Variants in GALK2 observed in about 807,000 individuals in gnomAD.
GALK2 encodes galactokinase 2.
GALK2 carries 36 observed loss-of-function variants against 52.4 expected under a neutral mutation model. The observed-to-expected ratio is 0.69, with a 90% CI of 0.53 to 0.91. The LOEUF (loss-of-function observed/expected upper bound fraction) is 0.91. GALK2 is among the 40% of genes least tolerant of loss of function. The pLI, the probability that GALK2 is intolerant of heterozygous loss-of-function variation, is 0.00. For synonymous variants in GALK2, 176 were observed against 199.1 expected (o/e 0.88, Z 0.98); for missense variants, 579 against 559.1 (o/e 1.04, Z -0.36).
chr15:49,296,206 C>T (rs758338802), intron 8 of GALK2, among the ~76,000 whole-genome samples: 1 of 152,044 alleles, frequency 6.6e-6, no homozygotes, highest in Non-Finnish European at 1.5e-5. Context: ...GTTTGGTGTA[C>T]ACATGATTTT....
At chr15:49,240,437 A>T (rs2091040150) in intron 5 of GALK2, among the ~76,000 whole-genome samples, 1 of 152,218 alleles carries the variant, frequency 6.6e-6, no homozygotes, top group South Asian at 2.1e-4. Context: ...GTATAGTCTC[A>T]ACTTTCACTA....
intron 3 of GALK2, among the ~76,000 whole-genome samples, chr15:49,354,709 C>T (rs1001374903): frequency 3.3e-5 from 5 of 152,204 alleles, no homozygotes; most frequent in Non-Finnish European, 7.3e-5. Flanking sequence ...ACAAAACAGT[C>T]GGGAAGCTCG....
rs767767481 is a variant in GALK2 at position 49,319,666 on chromosome 15, C to T, written c.1030C>T (p.Gln344Ter). 1 of 1,614,128 alleles carries T rather than the reference C, an allele frequency of 6.2e-7. No individual in the cohort carries two copies. Among genetic ancestry groups the T allele is most frequent in the Admixed American group, 1.7e-5 (1 of 60,016 alleles). ...GTACAGCGAGGCTGCGCGAGTGCTC[C>T]AGTTTAAGAAGATATGTGAAGAAGC... Reference protein sequence around the residue: ...HVYSEAARVLQFKKICEEAPE... With the variant: ...HVYSEAARVL The change falls in exon 9 of 10, where the codon CAG becomes TAG. Residue 344 changes from glutamine to a stop codon, truncating the protein, a stop_gained. Coordinates refer to ENST00000560031, the MANE Select transcript of GALK2 (RefSeq NM_002044.4). LOFTEE classifies it high-confidence loss of function.
chr15:49,245,095 T>C (rs952629313), intron 5 of GALK2, among the ~76,000 whole-genome samples: 1 of 151,970 alleles, frequency 6.6e-6, no homozygotes, highest in Non-Finnish European at 1.5e-5. Context: ...ACAACAAATA[T>C]GAATTTAAGC....
chr15:49,249,945 C>T (rs2091516423), intron 5 of GALK2, among the ~76,000 whole-genome samples: 1 of 152,134 alleles, frequency 6.6e-6, no homozygotes, highest in African/African-American at 2.4e-5. Flanking sequence ...GCCCGTGCCT[C>T]TTTTAAAAAG....
Position 49,281,993 on chromosome 15 carries a change from C to G in GALK2, c.511C>G (p.Leu171Val), listed in dbSNP as rs565828321. The change falls in exon 6 of 10, where the codon CTT becomes GTT. Residue 171 changes from leucine to valine, a missense_variant. Coordinates refer to ENST00000560031, the MANE Select transcript of GALK2 (RefSeq NM_002044.4). ...VLGRNLSKVELAEICAKSERY... is the reference protein window; with the variant it reads ...VLGRNLSKVEVAEICAKSERY... ...TCAGTTTTTACCTTTCCAGGTGGAA[C>G]TTGCAGAAATCTGTGCCAAGAGTGA... The G allele has an allele frequency of 6.2e-7, 1 of 1,612,444 alleles. No homozygotes were observed. The highest frequency in any genetic ancestry group is 8.5e-7 in the Non-Finnish European group (1 of 1,178,828).
intron 3 of GALK2, among the ~76,000 whole-genome samples, chr15:49,349,807 A>C (rs185081617): frequency 8.0e-4 from 122 of 152,296 alleles, no homozygotes; most frequent in Middle Eastern, 3.4e-3. Context: ...GTATGGACCA[A>C]AACTCTGCAT....
At chr15:49,258,034 C>T (rs2091889537) in intron 5 of GALK2, among the ~76,000 whole-genome samples, 1 of 151,418 alleles carries the variant, frequency 6.6e-6, no homozygotes. Flanking sequence ...ATTGGACTCA[C>T]AGTCACCTTA....
At chr15:49,206,431 A>G (rs1023175256) in intron 2 of GALK2, among the ~76,000 whole-genome samples, 3 of 151,966 alleles carry the variant, frequency 2.0e-5, no homozygotes, top group Non-Finnish European at 4.4e-5. Flanking sequence ...GGTCATTTTC[A>G]CAATATTGAT....
chr15:49,249,589 T>C (rs1038781010), intron 5 of GALK2, among the ~76,000 whole-genome samples: 4 of 152,140 alleles, frequency 2.6e-5, no homozygotes, highest in Non-Finnish European at 5.9e-5. Flanking sequence ...TTTTTGTAAT[T>C]GTATGAAGTT....
chr15:49,328,242 C>T lies in GALK2; in HGVS notation c.*83C>T. 2.0e-6 allele frequency: 3 copies of T among 1,498,676 alleles called. No homozygotes were observed. In the South Asian group the frequency reaches 4.0e-5, roughly 20 times the overall value. The allele number at this position is 1,498,676 out of a possible 1,614,324, so 92.8% of individuals were successfully genotyped here. On this transcript the variant is annotated 3_prime_UTR_variant, in exon 10 of 10. Transcript: ENST00000560031. ...TCTGTGCCACAGTAAATTAATCTTC[C>T]TTCTGTTTTGTATTATGATGAACGG...
Position 49,328,019 on chromosome 15 carries a change from C to T in GALK2, c.1237C>T (p.Pro413Ser). The stretch of plus-strand genomic sequence containing the variant: ...GGGAGGCTGCACAGTATCAATGGTA[C>T]CTGCGGACAAGCTGCCCAGCTTTCT... ...GWGGCTVSMV[P>S]ADKLPSFLAN... Residue 413 changes from proline to serine, a missense_variant, in exon 10 of 10, where the codon CCT (proline) becomes TCT (serine). By Grantham distance (74) the Pro-to-Ser change is moderately conservative. Coordinates refer to ENST00000560031, the MANE Select transcript of GALK2 (RefSeq NM_002044.4). 1 of 1,613,900 alleles carries T rather than the reference C, an allele frequency of 6.2e-7. No homozygotes were observed. The highest frequency in any genetic ancestry group is 8.5e-7 in the Non-Finnish European group (1 of 1,179,844).
intron 3 of GALK2, among the ~76,000 whole-genome samples, chr15:49,228,685 A>ATTTTTTTTTTTTTTTTTTT (rs1566957985): frequency 5.5e-5 from 1 of 18,128 alleles, no homozygotes. Flanking sequence ...ATATATATAT[A>ATTTTTTTTTTTTTTTTTTT]TATTTTTTTT....
At chr15:49,364,011 G>A (rs1044981785) in intron 3 of GALK2, among the ~76,000 whole-genome samples, 14 of 152,060 alleles carry the variant, frequency 9.2e-5, no homozygotes, top group African/African-American at 1.2e-4. Context: ...GCTGGATTCC[G>A]TTCGCTAGTA....
rs1300320770 is a variant in GALK2 at position 49,328,059 on chromosome 15, A to G, written c.1277A>G (p.Lys426Arg). ...KLPSFLANVH[K>R]AYYQRSDGSL... The stretch of plus-strand genomic sequence containing the variant: ...CCCAGCTTTCTAGCAAATGTGCACA[A>G]AGCTTATTACCAGAGGAGTGATGGA... Residue 426 changes from lysine (K) to arginine (R), a missense_variant, in exon 10 of 10, where the codon AAA (lysine) becomes AGA (arginine). Coordinates refer to ENST00000560031, the MANE Select transcript of GALK2 (RefSeq NM_002044.4). The G allele has an allele frequency of 2.5e-6, 4 of 1,614,086 alleles. No homozygotes were observed. The East Asian group carries it at 6.7e-5, about 27-fold the overall frequency.
intron 9 of GALK2, 71 bp downstream of exon 9, chr15:49,319,876 A>G: frequency 1.5e-6 from 2 of 1,300,790 alleles, no homozygotes; most frequent in Non-Finnish European, 1.1e-6. Context: ...AAAAAATGCA[A>G]CATTTCATAA....
In GALK2 at chr15:49,358,388, G is replaced by C. The variant is rs528536041; in HGVS notation, c.427-9103G>C. On this transcript the variant is annotated intron_variant, in intron 3 of 3. Transcript: ENST00000558399. ...TAAGCTGATAAGCAACTTCAGCAAA[G>C]TCTCAGGATACAAAATCAATGTACA... Among the ~76,000 whole-genome samples the C allele has an allele frequency of 1.4e-3, 171 of 118,826 alleles. 1 individual carries two copies. The highest frequency in any genetic ancestry group is 5.3e-3 in the African/African-American group (161 of 30,504). 78.0% of individuals were successfully genotyped at this position (118,826 alleles called of 152,430 possible). A position where few individuals can be genotyped will look rare whatever the true frequency, so the allele number is the denominator to read the frequency against.
chr15:49,329,419 T>C lies in GALK2; in HGVS notation c.*1260T>C, dbSNP rs967591820. The C allele has an allele frequency of 2.2e-5, 22 of 984,596 alleles. No homozygotes were observed. Among genetic ancestry groups the C allele is most frequent in the African/African-American group, 3.5e-5 (2 of 57,224 alleles). The allele number at this position is 984,596 out of a possible 1,614,324, so 61.0% of individuals were successfully genotyped here. On this transcript the variant is annotated 3_prime_UTR_variant, in exon 10 of 10. Transcript: ENST00000560031. ...TTATGGCATGAATTATCCAAAAAAA[T>C]ATCAGAATTACTTATTATTCTGTGA...
intron 3 of GALK2, among the ~76,000 whole-genome samples, chr15:49,351,216 T>C (rs80176824): frequency 0.039 from 6,010 of 152,298 alleles, 330 homozygotes; most frequent in African/African-American, 0.11. Context: ...TGTGCTTCTA[T>C]ACAAATAAAA....
Sources: allele counts gnomAD v4.1 joint callset (sites outside exome capture counted in the v4.1 genomes callset), GRCh38; gene constraint gnomAD v4.1.1; transcripts MANE v1.5; gene names NCBI Gene and HGNC (gene_info 2026-07-23, HGNC 2026-07-21).